The following FGD4 variants were observed in gnomAD, a reference collection of about 807,000 sequenced individuals.
FGD4 encodes FYVE, RhoGEF and PH domain-containing protein 4.
FGD4 carries 42 observed loss-of-function variants against 102.0 expected under a neutral mutation model. The ratio of observed to expected loss-of-function variants is 0.41; its 90% confidence interval spans 0.32 to 0.53. The LOEUF is 0.53. FGD4 is among the 20% of genes least tolerant of loss of function. The pLI, the probability that FGD4 is intolerant of heterozygous loss-of-function variation, is 0.21. For synonymous variants in FGD4, 380 were observed against 375.7 expected (o/e 1.01, Z -0.13); for missense variants, 902 against 1,078.2 (o/e 0.84, Z 2.29).
chr12:32,534,405 C>A, intron 1 of FGD4: 2 of 1,504,588 alleles, frequency 1.3e-6, no homozygotes, highest in South Asian at 2.5e-5. Flanking sequence ...GAGATTTTAT[C>A]ACATGAACTT....
intron 4 of FGD4, among the ~76,000 whole-genome samples, chr12:32,595,442 ACT>A (rs1300452877): frequency 6.6e-6 from 1 of 152,006 alleles, no homozygotes; most frequent in Non-Finnish European, 1.5e-5. Flanking sequence ...GCCTCCATAT[ACT>A]CTCATTCTCT....
chr12:32,580,759 C>T (rs1028710849), intron 3 of FGD4, among the ~76,000 whole-genome samples: 3 of 151,832 alleles, frequency 2.0e-5, no homozygotes, highest in East Asian at 3.9e-4. Flanking sequence ...TGGTGGCGGG[C>T]GCCTGTAGTC....
intron 1 of FGD4, chr12:32,534,482 C>A: frequency 2.0e-6 from 3 of 1,513,938 alleles, no homozygotes; most frequent in Non-Finnish European, 2.6e-6. Context: ...TATGTGAAAT[C>A]ATGTCCACTG....
chr12:32,517,311 C>T (rs973313687), intron 1 of FGD4, among the ~76,000 whole-genome samples: 1 of 152,196 alleles, frequency 6.6e-6, no homozygotes, highest in Admixed American at 6.5e-5. Flanking sequence ...TCTCAATTGT[C>T]ATTTCAATTT....
intron 1 of FGD4, among the ~76,000 whole-genome samples, chr12:32,486,946 G>A (rs907529774): frequency 6.6e-6 from 1 of 152,064 alleles, no homozygotes; most frequent in Non-Finnish European, 1.5e-5. Flanking sequence ...TGTAGCTATT[G>A]TTTTGTGAAA....
At chr12:32,457,714 C>G (rs554515595) in intron 1 of FGD4, among the ~76,000 whole-genome samples, 20 of 152,202 alleles carry the variant, frequency 1.3e-4, no homozygotes, top group African/African-American at 4.8e-4. Context: ...CTAAAATGAT[C>G]AGTTTATCAG....
intron 1 of FGD4, among the ~76,000 whole-genome samples, chr12:32,480,572 C>T (rs931847067): frequency 6.6e-6 from 1 of 151,946 alleles, no homozygotes; most frequent in Non-Finnish European, 1.5e-5. Context: ...GCAATCTCAG[C>T]TCACTGCAAC....
intron 1 of FGD4, among the ~76,000 whole-genome samples, chr12:32,420,426 T>C (rs917626924): frequency 2.0e-5 from 3 of 152,142 alleles, no homozygotes; most frequent in African/African-American, 7.2e-5. Context: ...AAAACTGCCT[T>C]TTATTGCTGA....
chr12:32,620,728 C>G (rs1409709159), intron 11 of FGD4, among the ~76,000 whole-genome samples: 1 of 132,904 alleles, frequency 7.5e-6, no homozygotes, highest in Admixed American at 8.0e-5. Flanking sequence ...GACGGAGTCT[C>G]GCTCTGTCTC....
chr12:32,639,065 TGAG>T (rs1403273001), intron 16 of FGD4: 1 of 777,442 alleles, frequency 1.3e-6, no homozygotes, highest in African/African-American at 1.8e-5. Flanking sequence ...GGAATGAGCA[TGAG>T]GAGAAGGGGA....
chr12:32,472,210 C>T lies in FGD4; in HGVS notation c.166+72251C>T, dbSNP rs562320986. On this transcript the variant is annotated intron_variant, in intron 1 of 16. Coordinates refer to ENST00000534526, the MANE Select transcript of FGD4 (RefSeq NM_001370298.3). The stretch of plus-strand genomic sequence containing the variant: ...TGGTGGCATTTGAGGAGCCCTTCAG[C>T]CCCCCACTGCACTGTGGGAGCCCCT... Among the ~76,000 whole-genome samples, 20 of 152,326 alleles carry T rather than the reference C, an allele frequency of 1.3e-4. No individual in the cohort carries two copies. The South Asian group carries it at 3.3e-3, about 25-fold the overall frequency.
At chr12:32,539,221 A>C (rs1307478260) in intron 1 of FGD4, among the ~76,000 whole-genome samples, 1 of 152,180 alleles carries the variant, frequency 6.6e-6, no homozygotes, top group African/African-American at 2.4e-5. Flanking sequence ...TTGAATAAAA[A>C]ATAATCTAGA....
intron 10 of FGD4, among the ~76,000 whole-genome samples, chr12:32,613,617 A>G (rs115951593): frequency 0.013 from 2,013 of 152,202 alleles, 37 homozygotes; most frequent in African/African-American, 0.044. Flanking sequence ...TTAGCTGGGC[A>G]TGGTAGCTTG....
At chr12:32,526,428 C>A (rs1941213528) in intron 1 of FGD4, among the ~76,000 whole-genome samples, 1 of 152,076 alleles carries the variant, frequency 6.6e-6, no homozygotes, top group African/African-American at 2.4e-5. Flanking sequence ...TCTAGTGGGG[C>A]CTTGGAGAAC....
At chr12:32,402,212 G>C (rs1940703246) in intron 1 of FGD4, among the ~76,000 whole-genome samples, 1 of 150,594 alleles carries the variant, frequency 6.6e-6, no homozygotes, top group Non-Finnish European at 1.5e-5. Context: ...GAGACCGAGG[G>C]GGAGGATCGC....
chr12:32,466,571 A>T (rs1450304594), intron 1 of FGD4, among the ~76,000 whole-genome samples: 1 of 152,084 alleles, frequency 6.6e-6, no homozygotes, highest in Non-Finnish European at 1.5e-5. Context: ...CTTGACATAT[A>T]AAATTAGCAA....
chr12:32,512,748 A>C (rs1939511963), intron 1 of FGD4, among the ~76,000 whole-genome samples: 1 of 152,140 alleles, frequency 6.6e-6, no homozygotes, highest in Admixed American at 6.6e-5. Flanking sequence ...CAGTAGGAAA[A>C]ATTGAGTTAT....
chr12:32,639,975 G>A (rs1204869447), intron 16 of FGD4, among the ~76,000 whole-genome samples: 1 of 152,146 alleles, frequency 6.6e-6, no homozygotes, highest in East Asian at 1.9e-4. Context: ...GTATGATGGC[G>A]ATTTTTCTTC....
At chr12:32,621,175 G>C (rs1031940750) in intron 11 of FGD4, among the ~76,000 whole-genome samples, 1 of 151,930 alleles carries the variant, frequency 6.6e-6, no homozygotes, top group Admixed American at 6.6e-5. Flanking sequence ...AGGAGTTCTA[G>C]ACCAGCCTGG....
Sources: allele counts gnomAD v4.1 joint callset (sites outside exome capture counted in the v4.1 genomes callset), GRCh38; gene constraint gnomAD v4.1.1; transcripts MANE v1.5; gene names NCBI Gene and HGNC (gene_info 2026-07-23, HGNC 2026-07-21).